ANK2: variants seen among roughly 807,000 people sequenced by gnomAD.
ANK2 encodes the protein ankyrin-2.
ANK2 carries 83 observed loss-of-function variants against 360.5 expected under a neutral mutation model. That is an observed-to-expected ratio of 0.23 (90% CI 0.19 to 0.28). The LOEUF is 0.28. Ranked by LOEUF, ANK2 falls within the 10% of genes least tolerant of loss-of-function variation. The pLI, the probability that ANK2 is intolerant of heterozygous loss-of-function variation, is 1.00. For missense variants in ANK2, 4,201 were observed against 4,795.7 expected (o/e 0.88, Z 3.66); for synonymous variants, 1,740 against 1,759.5 (o/e 0.99, Z 0.28).
At chr4:112,723,449 C>T in the ANK2 span, among the ~76,000 whole-genome samples, 185 of 152,058 alleles carry the variant, frequency 1.2e-3, no homozygotes, top group African/African-American at 4.2e-3. Flanking sequence ...CTGCAACCTC[C>T]GCCTCCCGGG....
intron 1 of ANK2, among the ~76,000 whole-genome samples, chr4:113,102,340 A>G (rs1053778932): frequency 6.6e-6 from 1 of 152,108 alleles, no homozygotes; most frequent in Non-Finnish European, 1.5e-5. Context: ...AGAAAAAAAC[A>G]TTTCGGGGGA....
At chr4:113,118,628 A>G (rs1486664857) in intron 1 of ANK2, among the ~76,000 whole-genome samples, 1 of 152,140 alleles carries the variant, frequency 6.6e-6, no homozygotes, top group African/African-American at 2.4e-5. Context: ...CCTTCTGGGG[A>G]AAACTTTCAT....
intron 3 of ANK2, 122 bp from the exon 4 acceptor site, chr4:113,198,889 C>T: frequency 1.2e-6 from 1 of 845,456 alleles, no homozygotes; most frequent in Non-Finnish European, 1.9e-6. Flanking sequence ...GGGCTACTAT[C>T]TTGATAAATA....
intron 1 of ANK2, among the ~76,000 whole-genome samples, chr4:113,108,071 C>T (rs896504833): frequency 1.3e-5 from 2 of 151,140 alleles, no homozygotes; most frequent in East Asian, 1.9e-4. Flanking sequence ...ATCTGATGTC[C>T]AGTCAAGACC....
At chr4:113,331,411 A>G (rs981762719) in intron 27 of ANK2, among the ~76,000 whole-genome samples, 3 of 152,170 alleles carry the variant, frequency 2.0e-5, no homozygotes, top group Non-Finnish European at 4.4e-5. Context: ...GGGTGTGTTT[A>G]TATTTCCCAA....
chr4:113,126,764 A>G (rs1023491438), intron 1 of ANK2, among the ~76,000 whole-genome samples: 1 of 152,190 alleles, frequency 6.6e-6, no homozygotes, highest in African/African-American at 2.4e-5. Flanking sequence ...TATAACATCA[A>G]GCACTCATAC....
intron 45 of ANK2, among the ~76,000 whole-genome samples, chr4:113,380,032 T>C (rs574903047): frequency 2.0e-5 from 3 of 152,302 alleles, no homozygotes; most frequent in African/African-American, 4.8e-5. Flanking sequence ...GGTCCCACTG[T>C]GTGCTAATTC....
In ANK2 at chr4:113,288,475, G is replaced by A. The variant is rs368809372; in HGVS notation, c.2266G>A (p.Ala756Thr). Residue 756 changes from alanine to threonine, a missense_variant, in exon 20 of 46, where the codon GCA becomes ACA. Physicochemically the swap from Ala to Thr is moderately conservative, Grantham distance 58. Around this residue, in one of 4 missense-constraint regions of ANK2, gnomAD observed 1,268 missense variants for 1,650.8 expected, o/e 0.77. Coordinates refer to ENST00000357077, the MANE Select transcript of ANK2 (RefSeq NM_001148.6). Reference sequence around the variant, plus strand: ...TCTGAAGCAGGGAGCAAATGTTAACGCAAAAACCAAGGTAAAGTACTTGTG... The same window carrying A: ...TCTGAAGCAGGGAGCAAATGTTAACACAAAAACCAAGGTAAAGTACTTGTG... ...FLLKQGANVN[A>T]KTKNGYTPLH... 1.4e-5 allele frequency: 22 copies of A among 1,613,430 alleles called. No individual in the cohort carries two copies. Among genetic ancestry groups the A allele is most frequent in the East Asian group, 4.5e-5 (2 of 44,842 alleles).
intron 34 of ANK2, among the ~76,000 whole-genome samples, chr4:113,343,919 C>T (rs780623848): frequency 3.3e-5 from 5 of 152,032 alleles, no homozygotes; most frequent in Non-Finnish European, 7.4e-5. Flanking sequence ...TCCAATCCTA[C>T]TTCACCTACT....
upstream of ANK2, among the ~76,000 whole-genome samples, chr4:113,044,988 C>T (rs2063900979): frequency 6.6e-6 from 1 of 152,096 alleles, no homozygotes; most frequent in Admixed American, 6.6e-5. Context: ...AGTGGGAAAG[C>T]CTTTTGAGGG....
chr4:113,222,943 T>C (rs967280979), intron 4 of ANK2, among the ~76,000 whole-genome samples: 1 of 152,258 alleles, frequency 6.6e-6, no homozygotes, highest in Non-Finnish European at 1.5e-5. Flanking sequence ...TAACTATTAA[T>C]ACTAAACAAG....
At chr4:112,763,431 A>C in the ANK2 span, among the ~76,000 whole-genome samples, 1 of 151,100 alleles carries the variant, frequency 6.6e-6, no homozygotes, top group South Asian at 2.1e-4. Flanking sequence ...ACGGGGTTTC[A>C]CCGTGTTAGC....
intron 1 of ANK2, chr4:112,880,201 A>G (rs543318583): frequency 6.6e-6 from 1 of 152,350 alleles, no homozygotes; most frequent in African/African-American, 2.4e-5. Context: ...GCTCAAAGGA[A>G]TGAACACATC....
chr4:113,111,182 C>A (rs2094254603), intron 1 of ANK2, among the ~76,000 whole-genome samples: 1 of 152,004 alleles, frequency 6.6e-6, no homozygotes, highest in Non-Finnish European at 1.5e-5. Flanking sequence ...ATAGTTCTGT[C>A]CCAATTAGGA....
At chr4:113,163,696 G>A (rs775737084) in intron 1 of ANK2, among the ~76,000 whole-genome samples, 9 of 148,528 alleles carry the variant, frequency 6.1e-5, no homozygotes, top group South Asian at 2.1e-4. Context: ...CCTGGGAGGC[G>A]GAGGTTGCAG....
chr4:112,966,437 A>G (rs2037277318), intron 2 of ANK2, among the ~76,000 whole-genome samples: 1 of 151,882 alleles, frequency 6.6e-6, no homozygotes, highest in Non-Finnish European at 1.5e-5. Flanking sequence ...TTTTCTTTCC[A>G]GTTCTTTTCA....
chr4:113,369,902 C>CA (rs954218838), intron 43 of ANK2, 97 bp downstream of exon 43: 1 of 1,507,156 alleles, frequency 6.6e-7, no homozygotes, highest in African/African-American at 1.4e-5. Flanking sequence ...CACTTCAAAA[C>CA]AAAAAAGTTA....
chr4:112,853,843 TC>T (rs1425884459), intron 1 of ANK2, among the ~76,000 whole-genome samples: 1 of 152,230 alleles, frequency 6.6e-6, no homozygotes, highest in Non-Finnish European at 1.5e-5. Context: ...GGATGCCGTT[TC>T]TAGGAATGGC....
chr4:112,961,485 G>A (rs550652382), intron 2 of ANK2, among the ~76,000 whole-genome samples: 1 of 152,210 alleles, frequency 6.6e-6, no homozygotes, highest in South Asian at 2.1e-4. Context: ...AAGAAAAAGT[G>A]TGTGTTTAAT....
Sources: gnomAD v4.1 joint callset for allele counts (sites outside exome capture counted in the v4.1 genomes callset) on GRCh38, gnomAD v4.1.1 for gene constraint, gnomAD v4.1.1 regional missense constraint, MANE v1.5 for transcripts, NCBI Gene and HGNC (gene_info 2026-07-23, HGNC 2026-07-21) for gene names.